Variants in WNT3A observed in about 807,000 individuals in gnomAD.
The protein encoded by WNT3A is protein Wnt-3a.
Under a neutral mutation model 37.0 loss-of-function variants are expected in WNT3A, and 17 were observed. That is an observed-to-expected ratio of 0.46 (90% CI 0.31 to 0.69). The LOEUF (loss-of-function observed/expected upper bound fraction) is 0.69, where lower values mean the gene tolerates loss of function less well. Among genes scored for constraint, WNT3A ranks in the 30% least tolerant of loss-of-function variants. The pLI is 0.05. For synonymous variants in WNT3A, 187 were observed against 211.0 expected, an observed-to-expected ratio of 0.89 and a Z score of 0.99; for missense variants, 411 against 510.2, an observed-to-expected ratio of 0.81 and a Z score of 1.87.
Position 228,059,804 on chromosome 1 carries a change from T to A in WNT3A, c.*339T>A, listed in dbSNP as rs936048261. The A allele has an allele frequency of 2.7e-6, 3 of 1,117,214 alleles. No individual in the cohort carries two copies. In the East Asian group the frequency reaches 1.7e-4, roughly 64 times the overall value. 69.2% of individuals were successfully genotyped at this position (1,117,214 alleles called of 1,614,324 possible). Reference sequence around the variant, plus strand: ...GGGCTTCTCTTGGGTGGGACAGGGCTTCTCCTGCGGGGGCGAGGCCCCTCC... The same window carrying A: ...GGGCTTCTCTTGGGTGGGACAGGGCATCTCCTGCGGGGGCGAGGCCCCTCC... On this transcript the variant is annotated 3_prime_UTR_variant, in exon 4 of 4. Coordinates refer to ENST00000284523, the MANE Select transcript of WNT3A (RefSeq NM_033131.4).
chr1:228,029,769 C>T (rs2030955055), intron 2 of WNT3A, among the ~76,000 whole-genome samples: 1 of 149,288 alleles, frequency 6.7e-6, no homozygotes, highest in South Asian at 2.2e-4. Context: ...CATTGAAATC[C>T]TCACCCACAG....
intron 2 of WNT3A, among the ~76,000 whole-genome samples, chr1:228,048,124 T>A (rs901772867): frequency 3.9e-5 from 6 of 152,200 alleles, no homozygotes; most frequent in Non-Finnish European, 5.9e-5. Flanking sequence ...CAGGGGACAC[T>A]GTGGGACGTA....
intron 1 of WNT3A, among the ~76,000 whole-genome samples, chr1:228,021,901 C>T (rs553511588): frequency 1.3e-5 from 2 of 152,352 alleles, no homozygotes; most frequent in African/African-American, 2.4e-5. Context: ...TCCAGGTCAA[C>T]CTGGTGTGAA....
intron 3 of WNT3A, among the ~76,000 whole-genome samples, chr1:228,054,345 C>A (rs2031621121): frequency 6.6e-6 from 1 of 152,098 alleles, no homozygotes; most frequent in South Asian, 2.1e-4. Flanking sequence ...ACAATGTTGG[C>A]TGGGCGTGGT....
rs551204071 is a variant in WNT3A, at chr1:228,019,305, C to T, written c.72-3362C>T. Among the ~76,000 whole-genome samples the T allele has an allele frequency of 5.9e-3, 897 of 152,306 alleles. 12 individuals carry two copies. Among genetic ancestry groups the T allele is most frequent in the African/African-American group, 0.021 (866 of 41,554 alleles). On this transcript the variant is annotated intron_variant, in intron 1 of 3. Coordinates refer to ENST00000284523, the MANE Select transcript of WNT3A (RefSeq NM_033131.4). ...TCTGGGGGTGGGCAGAGTGACAGCC[C>T]CCAAAATGAATCCAGCATCTAGCCT...
intron 2 of WNT3A, among the ~76,000 whole-genome samples, chr1:228,030,292 A>C (rs1425452057): frequency 6.6e-6 from 1 of 151,136 alleles, no homozygotes; most frequent in African/African-American, 2.4e-5. Flanking sequence ...GCTAGTCGGG[A>C]GGCTGAGGCA....
chr1:228,019,912 A>T (rs1571795566), intron 1 of WNT3A, among the ~76,000 whole-genome samples: 2 of 152,118 alleles, frequency 1.3e-5, no homozygotes, highest in Admixed American at 1.3e-4. Flanking sequence ...TGGGGCAACC[A>T]CCTCACCCTG....
At position 228,021,457 on chromosome 1, in the gene WNT3A, G is replaced by A. The variant is rs1179467338; in HGVS notation, c.72-1210G>A. On this transcript the variant is annotated intron_variant, in intron 1 of 3. Transcript: ENST00000284523. ...GTCTTGAGCTCAGACTGGGGGATGC[G>A]GAGGGCCCCAGGAGCATCTCACAGT... 3.3e-5 allele frequency among the ~76,000 whole-genome samples: 5 copies of A among 152,218 alleles called. No homozygotes were observed. The East Asian group carries it at 7.8e-4, about 24-fold the overall frequency.
At chr1:228,024,887 A>C (rs1342518674) in intron 2 of WNT3A, among the ~76,000 whole-genome samples, 3 of 152,136 alleles carry the variant, frequency 2.0e-5, no homozygotes, top group African/African-American at 7.2e-5. Context: ...CCTTCTATGG[A>C]AAAAACTGTT....
At chr1:228,020,662 G>C (rs925940435) in intron 1 of WNT3A, among the ~76,000 whole-genome samples, 1 of 152,216 alleles carries the variant, frequency 6.6e-6, no homozygotes, top group Non-Finnish European at 1.5e-5. Context: ...ATGGTGGAGG[G>C]GGTGTGCAGG....
chr1:228,038,901 T>C lies in WNT3A; in HGVS notation c.314-11755T>C, dbSNP rs76082193. On this transcript the variant is annotated intron_variant, in intron 2 of 3. Transcript: ENST00000284523. The surrounding 1 kb of genome is among the most constrained non-coding windows in gnomAD (Gnocchi z 5.7). ...TGCAGACCTGGGGAGAGAAGCTGGCTGCAGTAGGGTGCACTTGGGGGACAG... is the reference window on the plus strand; with the variant it reads ...TGCAGACCTGGGGAGAGAAGCTGGCCGCAGTAGGGTGCACTTGGGGGACAG... 6.6e-6 allele frequency among the ~76,000 whole-genome samples: 1 copy of C among 152,098 alleles called. No individual in the cohort carries two copies. Among genetic ancestry groups the C allele is most frequent in the Non-Finnish European group, 1.5e-5 (1 of 68,012 alleles).
chr1:228,051,924 T>C (rs550390987), intron 3 of WNT3A, among the ~76,000 whole-genome samples: 10 of 152,186 alleles, frequency 6.6e-5, no homozygotes, highest in African/African-American at 1.4e-4. Flanking sequence ...ACTCACTCAT[T>C]ATCATGAGGA....
intron 1 of WNT3A, among the ~76,000 whole-genome samples, chr1:228,010,328 C>T (rs1385303118): frequency 6.6e-6 from 1 of 152,108 alleles, no homozygotes; most frequent in Non-Finnish European, 1.5e-5. Context: ...TGGGCCTGTG[C>T]CTCCCGCCAC....
chr1:228,023,672 G>T (rs577339757), intron 2 of WNT3A, among the ~76,000 whole-genome samples: 2 of 152,300 alleles, frequency 1.3e-5, no homozygotes, highest in South Asian at 4.1e-4. Context: ...AAGTTGAGGT[G>T]AAATTCACAT....
rs1053159779 is a variant in WNT3A, at chr1:228,040,727, C to CA, written c.314-9920dup. ...TGAAACCCTTTCTCTACTAAAAATA[C>CA]AAAAAAAAATTACCTGGGCATGGTG... On this transcript the variant is annotated intron_variant, in intron 2 of 3. Coordinates refer to ENST00000284523, the MANE Select transcript of WNT3A (RefSeq NM_033131.4). Among the ~76,000 whole-genome samples, 26 of 149,732 alleles carry CA rather than the reference C, an allele frequency of 1.7e-4. 1 individual carries two copies. Among genetic ancestry groups the CA allele is most frequent in the South Asian group, 1.0e-3 (5 of 4,764 alleles).
Position 228,048,657 on chromosome 1 carries a change from T to C in WNT3A, c.314-1999T>C, listed in dbSNP as rs114394326. 9.0e-3 allele frequency among the ~76,000 whole-genome samples: 1,375 copies of C among 152,258 alleles called. 22 individuals carry two copies. The highest frequency in any genetic ancestry group is 0.032 in the African/African-American group (1,314 of 41,514). On this transcript the variant is annotated intron_variant, in intron 2 of 3. Coordinates refer to ENST00000284523, the MANE Select transcript of WNT3A (RefSeq NM_033131.4). The stretch of plus-strand genomic sequence containing the variant: ...ATACCTCACTGCAGCCTTGAACTCC[T>C]GAACTCAAGTGATCTTCCTGCCTCA...
At position 228,059,310 on chromosome 1, in the gene WNT3A, C is replaced by A; in HGVS notation, c.904C>A (p.His302Asn). 6.3e-7 allele frequency: 1 copy of A among 1,581,042 alleles called. No individual in the cohort carries two copies. Among genetic ancestry groups the A allele is most frequent in the Non-Finnish European group, 8.6e-7 (1 of 1,168,452 alleles). Reference protein sequence around the residue: ...TRDRTCNVSSHGIDGCDLLCC... With the variant: ...TRDRTCNVSSNGIDGCDLLCC... ...CGACCGCACCTGCAACGTCAGCTCG[C>A]ACGGCATCGACGGCTGCGACCTGCT... The change falls in exon 4 of 4, where the codon CAC (histidine) becomes AAC (asparagine). Residue 302 changes from histidine to asparagine, a missense_variant. Coordinates refer to ENST00000284523, the MANE Select transcript of WNT3A (RefSeq NM_033131.4).
At position 228,059,935 on chromosome 1, in the gene WNT3A, G is replaced by T; in HGVS notation, c.*470G>T. ...GCTCTAGGATGGGGCACGGCTCTGG[G>T]GTAGGCTGCTCCCTGAGGGCGGAGC... On this transcript the variant is annotated 3_prime_UTR_variant, in exon 4 of 4. Transcript: ENST00000284523. 9.1e-7 allele frequency: 1 copy of T among 1,102,470 alleles called. No individual in the cohort carries two copies. The highest frequency in any genetic ancestry group is 1.1e-6 in the Non-Finnish European group (1 of 896,488). The allele number at this position is 1,102,470 out of a possible 1,614,324, so 68.3% of individuals were successfully genotyped here. A position where few individuals can be genotyped will look rare whatever the true frequency, so the allele number is the denominator to read the frequency against.
At chr1:228,020,524 A>G (rs902505780) in intron 1 of WNT3A, among the ~76,000 whole-genome samples, 2 of 152,212 alleles carry the variant, frequency 1.3e-5, no homozygotes, top group Admixed American at 6.5e-5. Context: ...ATGGTCATCC[A>G]GTTGCCGGGA....
Sources: gnomAD v4.1 joint callset for allele counts (sites outside exome capture counted in the v4.1 genomes callset) on GRCh38, gnomAD v4.1.1 for gene constraint, Gnocchi (gnomAD v3.1) non-coding constraint, MANE v1.5 for transcripts, NCBI Gene and HGNC (gene_info 2026-07-23, HGNC 2026-07-21) for gene names.